The following CTNNA3 variants were observed in gnomAD, a reference collection of about 807,000 sequenced individuals.
CTNNA3 encodes catenin alpha 3, also known as catenin alpha-3.
Under a neutral mutation model 95.7 loss-of-function variants are expected in CTNNA3, and 76 were observed. The observed-to-expected ratio is 0.79, with a 90% CI of 0.66 to 0.96. The LOEUF (loss-of-function observed/expected upper bound fraction) is 0.96, where lower values mean the gene tolerates loss of function less well. Among genes scored for constraint, CTNNA3 ranks in the 40% least tolerant of loss-of-function variants. The pLI, the probability that CTNNA3 is intolerant of heterozygous loss-of-function variation, is 0.00. For synonymous variants in CTNNA3, 431 were observed against 374.4 expected (o/e 1.15, Z -1.74); for missense variants, 1,191 against 1,089.8 (o/e 1.09, Z -1.31).
At chr10:65,941,226 G>A (rs573957195) in intron 17 of CTNNA3, among the ~76,000 whole-genome samples, 19 of 152,252 alleles carry the variant, frequency 1.2e-4, no homozygotes, top group Admixed American at 1.2e-3. Flanking sequence ...GAAGCACAAA[G>A]ATCCATAGTC....
At chr10:67,607,475 G>A (rs1244523501) in intron 2 of CTNNA3, among the ~76,000 whole-genome samples, 1 of 152,118 alleles carries the variant, frequency 6.6e-6, no homozygotes, top group Non-Finnish European at 1.5e-5. Flanking sequence ...GGAAGATGAA[G>A]AAGAAGAGGA....
intron 15 of CTNNA3, among the ~76,000 whole-genome samples, chr10:66,016,452 AATCT>A (rs1470373288): frequency 1.3e-5 from 2 of 152,138 alleles, no homozygotes; most frequent in Admixed American, 6.5e-5. Context: ...ACTCACCAAT[AATCT>A]ATCTATCCCA....
intron 1 of CTNNA3, among the ~76,000 whole-genome samples, chr10:67,671,608 T>C (rs927228961): frequency 6.7e-6 from 1 of 149,380 alleles, no homozygotes; most frequent in Non-Finnish European, 1.5e-5. Flanking sequence ...GAACATGCGG[T>C]GTTTGGTTTT....
At chr10:67,391,460 G>A (rs1259062524) in intron 5 of CTNNA3, among the ~76,000 whole-genome samples, 14 of 152,124 alleles carry the variant, frequency 9.2e-5, no homozygotes, top group South Asian at 2.1e-4. Context: ...AATCAATATC[G>A]TGAAAATGGC....
chr10:67,034,477 C>G (rs561172791), intron 7 of CTNNA3, among the ~76,000 whole-genome samples: 67 of 152,324 alleles, frequency 4.4e-4, no homozygotes, highest in Admixed American at 1.4e-3. Context: ...TGCCTATACT[C>G]TCTAGTGTCT....
chr10:67,731,464 G>C (rs1315589003), intron 1 of CTNNA3, among the ~76,000 whole-genome samples: 1 of 150,458 alleles, frequency 6.6e-6, no homozygotes, highest in African/African-American at 2.4e-5. Context: ...CTGGGTGACA[G>C]AGCAAGACTC....
chr10:67,081,497 A>T (rs964775656), intron 7 of CTNNA3, among the ~76,000 whole-genome samples: 7 of 152,214 alleles, frequency 4.6e-5, no homozygotes, highest in Non-Finnish European at 8.8e-5. Context: ...CAGAGAGGTT[A>T]ATTAACTTGC....
upstream of CTNNA3, among the ~76,000 whole-genome samples, chr10:67,698,303 G>T (rs1402341978): frequency 6.6e-6 from 1 of 152,068 alleles, no homozygotes; most frequent in Non-Finnish European, 1.5e-5. Flanking sequence ...ATTCTCCCGA[G>T]GTAATCAAAA....
intron 10 of CTNNA3, among the ~76,000 whole-genome samples, chr10:66,537,606 ATTTATAT>A (rs951515202): frequency 4.0e-5 from 6 of 149,396 alleles, no homozygotes; most frequent in African/African-American, 1.2e-4. Context: ...TTTATTTTTA[ATTTATAT>A]TTTATATTGT....
At position 66,942,133 on chromosome 10, in the gene CTNNA3, T is replaced by C. The variant is rs78037442; in HGVS notation, c.1048-166609A>G. ...AGGATAAATTGAGATAACATATGTT[T>C]GCAGGCACAGCAGGTGTCAGTAAAA... On this transcript the variant is annotated intron_variant, in intron 7 of 17. Coordinates refer to ENST00000433211, the MANE Select transcript of CTNNA3 (RefSeq NM_013266.4). Among the ~76,000 whole-genome samples the C allele has an allele frequency of 7.4e-3, 1,132 of 152,300 alleles. 19 individuals carry two copies. The highest frequency in any genetic ancestry group is 0.026 in the African/African-American group (1,080 of 41,568).
At chr10:67,117,147 A>T (rs1331607593) in intron 7 of CTNNA3, among the ~76,000 whole-genome samples, 1 of 151,956 alleles carries the variant, frequency 6.6e-6, no homozygotes, top group African/African-American at 2.4e-5. Flanking sequence ...CCTGGGTCTG[A>T]TCAGTTTGAC....
At chr10:66,088,602 G>GAATGCACTT (rs1021367934) in intron 14 of CTNNA3, among the ~76,000 whole-genome samples, 1 of 149,160 alleles carries the variant, frequency 6.7e-6, no homozygotes, top group African/African-American at 2.4e-5. Context: ...AAGACAAAGA[G>GAATGCACTT]AATGCACTTT....
chr10:66,957,977 G>A (rs1221902332), intron 7 of CTNNA3, among the ~76,000 whole-genome samples: 2 of 152,108 alleles, frequency 1.3e-5, no homozygotes, highest in African/African-American at 4.8e-5. Context: ...TCATAAAGGT[G>A]AGCCTCTGTG....
At chr10:66,534,498 A>G (rs1034555236) in intron 10 of CTNNA3, among the ~76,000 whole-genome samples, 30 of 77,344 alleles carry the variant, frequency 3.9e-4, no homozygotes, top group African/African-American at 1.4e-3. Flanking sequence ...ATATATATAT[A>G]TATGTATATA....
intron 7 of CTNNA3, among the ~76,000 whole-genome samples, chr10:66,996,207 T>C (rs1202558781): frequency 6.6e-6 from 1 of 152,206 alleles, no homozygotes; most frequent in Admixed American, 6.5e-5. Context: ...AGACTGATAT[T>C]ATATAATTAG....
At chr10:66,075,230 T>G (rs931049134) in intron 14 of CTNNA3, among the ~76,000 whole-genome samples, 1 of 151,706 alleles carries the variant, frequency 6.6e-6, no homozygotes, top group Non-Finnish European at 1.5e-5. Flanking sequence ...CTTAAAAAAT[T>G]TAAATGACTA....
At chr10:67,439,344 T>A (rs1846415284) in intron 5 of CTNNA3, among the ~76,000 whole-genome samples, 1 of 152,084 alleles carries the variant, frequency 6.6e-6, no homozygotes, top group Non-Finnish European at 1.5e-5. Flanking sequence ...CCAATCAGCA[T>A]CAGGAAACAT....
chr10:66,886,439 TG>T (rs1378744297), intron 7 of CTNNA3, among the ~76,000 whole-genome samples: 2 of 152,148 alleles, frequency 1.3e-5, no homozygotes. Context: ...TCCCTGATAC[TG>T]GGACCCTTAT....
chr10:67,443,791 T>C (rs1432031364), intron 5 of CTNNA3, among the ~76,000 whole-genome samples: 6 of 152,150 alleles, frequency 3.9e-5, no homozygotes, highest in African/African-American at 1.2e-4. Context: ...GCAGGAGCTC[T>C]TTAGTTTAAT....
Sources: allele counts gnomAD v4.1 joint callset (sites outside exome capture counted in the v4.1 genomes callset), GRCh38; gene constraint gnomAD v4.1.1; transcripts MANE v1.5; gene names NCBI Gene and HGNC (gene_info 2026-07-23, HGNC 2026-07-21).